The following GSE1 variants were observed in gnomAD, a reference collection of about 807,000 sequenced individuals.
GSE1 encodes the protein Gse1 coiled-coil protein, also known as genetic suppressor element 1.
GSE1 carries 32 observed loss-of-function variants against 112.6 expected under a neutral mutation model. The observed-to-expected ratio is 0.28, with a 90% confidence interval of 0.21 to 0.38. The LOEUF (loss-of-function observed/expected upper bound fraction) is 0.38. Ranked by LOEUF, GSE1 falls within the 10% of genes least tolerant of loss-of-function variation. The pLI, the probability that GSE1 is intolerant of heterozygous loss-of-function variation, is 1.00. For missense variants in GSE1, 2,348 were observed against 1,699.2 expected, an observed-to-expected ratio of 1.38 and a Z score of -6.71; for synonymous variants, 1,115 against 735.6, an observed-to-expected ratio of 1.52 and a Z score of -8.35.
At chr16:85,401,501 A>C (rs1333342587) in intron 2 of GSE1, among the ~76,000 whole-genome samples, 3 of 152,158 alleles carry the variant, frequency 2.0e-5, no homozygotes, top group Non-Finnish European at 4.4e-5. Flanking sequence ...ACCTCCCGCA[A>C]AGTCAGGCAC....
At chr16:85,191,943 C>G (rs1286144893) in intron 1 of GSE1, among the ~76,000 whole-genome samples, 1 of 152,124 alleles carries the variant, frequency 6.6e-6, no homozygotes, top group Non-Finnish European at 1.5e-5. Context: ...TGGGCGTGTG[C>G]AGAGGGGCAG....
At chr16:85,326,955 T>C (rs1339528713) in intron 1 of GSE1, among the ~76,000 whole-genome samples, 1 of 152,220 alleles carries the variant, frequency 6.6e-6, no homozygotes, top group Non-Finnish European at 1.5e-5. Flanking sequence ...CACAGGTCTG[T>C]GATTTGCATA....
intron 2 of GSE1, among the ~76,000 whole-genome samples, chr16:85,422,343 G>C (rs999570052): frequency 6.6e-6 from 1 of 151,804 alleles, no homozygotes; most frequent in Non-Finnish European, 1.5e-5. Flanking sequence ...ACAGTAAGAG[G>C]CTCTGCGGGA....
chr16:85,286,216 C>G (rs568944811), intron 1 of GSE1, among the ~76,000 whole-genome samples: 1 of 152,362 alleles, frequency 6.6e-6, no homozygotes, highest in Admixed American at 6.5e-5. Flanking sequence ...GAGGAGGACA[C>G]AGTGGCCACT....
intron 2 of GSE1, among the ~76,000 whole-genome samples, chr16:85,492,198 G>C (rs536196620): frequency 6.6e-6 from 1 of 152,324 alleles, no homozygotes; most frequent in East Asian, 1.9e-4. Context: ...GGACCTTGAT[G>C]GTGAGCGTGT....
intron 3 of GSE1, among the ~76,000 whole-genome samples, chr16:85,651,981 C>G (rs1271082519): frequency 2.0e-5 from 3 of 152,220 alleles, no homozygotes; most frequent in East Asian, 3.9e-4. Flanking sequence ...GATGTTTGGC[C>G]CTATGCCAGG....
At chr16:85,426,565 G>A (rs2048996837) in intron 2 of GSE1, among the ~76,000 whole-genome samples, 1 of 146,858 alleles carries the variant, frequency 6.8e-6, no homozygotes, top group Non-Finnish European at 1.5e-5. Context: ...GGATGGATGG[G>A]GGGTGAATGA....
intron 15 of GSE1, among the ~76,000 whole-genome samples, chr16:85,671,567 C>G (rs2053342867): frequency 6.6e-6 from 1 of 152,032 alleles, no homozygotes; most frequent in Non-Finnish European, 1.5e-5. Flanking sequence ...TGAGCTCTGA[C>G]CACACCAGTG....
At chr16:85,521,816 G>A (rs1222495684) in intron 2 of GSE1, among the ~76,000 whole-genome samples, 1 of 152,216 alleles carries the variant, frequency 6.6e-6, no homozygotes, top group Non-Finnish European at 1.5e-5. Context: ...CATAAAATCC[G>A]GAGCGCGCTG....
intron 1 of GSE1, among the ~76,000 whole-genome samples, chr16:85,208,678 G>A (rs4783151): frequency 0.64 from 95,840 of 150,524 alleles, 30,575 homozygotes; most frequent in Admixed American, 0.7. Context: ...TTTTTTTTTT[G>A]AATGACTTTT....
chr16:85,337,793 G>A (rs1254843468), intron 1 of GSE1, among the ~76,000 whole-genome samples: 1 of 152,258 alleles, frequency 6.6e-6, no homozygotes, highest in African/African-American at 2.4e-5. Context: ...GCCACACCTG[G>A]CGTCTGAAAT....
chr16:85,470,298 C>T (rs910040776), intron 2 of GSE1, among the ~76,000 whole-genome samples: 18 of 152,330 alleles, frequency 1.2e-4, no homozygotes, highest in African/African-American at 4.3e-4. Context: ...CTTGGAGTGC[C>T]TCTGTGGGGC....
chr16:85,670,204 T>C (rs1007188237), intron 14 of GSE1, among the ~76,000 whole-genome samples: 1 of 152,208 alleles, frequency 6.6e-6, no homozygotes, highest in Non-Finnish European at 1.5e-5. Flanking sequence ...ATCAGAGGAA[T>C]CACAGATGAT....
intron 1 of GSE1, among the ~76,000 whole-genome samples, chr16:85,614,322 C>G (rs1274763722): frequency 6.6e-6 from 1 of 152,132 alleles, no homozygotes; most frequent in African/African-American, 2.4e-5. Flanking sequence ...ACCTCCTCGG[C>G]CGCCCGCCCG....
Position 85,419,625 on chromosome 16 carries a change from C to CA in GSE1, c.2464+61988dup, listed in dbSNP as rs1378369150. 2.0e-4 allele frequency among the ~76,000 whole-genome samples: 31 copies of CA among 151,424 alleles called. No individual in the cohort carries two copies. Among genetic ancestry groups the CA allele is most frequent in the African/African-American group, 7.3e-4 (30 of 41,134 alleles). On this transcript the variant is annotated intron_variant, in intron 2 of 2. Transcript: ENST00000637419. The surrounding 1 kb of genome is among the most constrained non-coding windows in gnomAD (Gnocchi z 6.5). ...TGTCTCAAAAAAAAAAAACAAAAAA[C>CA]AAAAAACAAAAAATAACATTATGCC...
intron 1 of GSE1, among the ~76,000 whole-genome samples, chr16:85,272,567 G>A (rs552153438): frequency 1.5e-4 from 23 of 152,246 alleles, no homozygotes; most frequent in African/African-American, 4.8e-4. Context: ...CCAGGCAGTG[G>A]GAGGGGTGGA....
At chr16:85,553,985 G>A (rs1335551983), upstream of GSE1, among the ~76,000 whole-genome samples, 1 of 152,074 alleles carries the variant, frequency 6.6e-6, no homozygotes, top group African/African-American at 2.4e-5. Flanking sequence ...GTGTGTACCT[G>A]CGGGCTCAGG....
At chr16:85,604,613 G>A (rs768789538) in intron 1 of GSE1, among the ~76,000 whole-genome samples, 2 of 147,986 alleles carry the variant, frequency 1.4e-5, no homozygotes, top group African/African-American at 5.0e-5. Flanking sequence ...TGGTCACATG[G>A]GCTGATTTGA....
intron 15 of GSE1, 184 bp from the exon 16 acceptor site, chr16:85,672,221 C>T (rs2053406067): frequency 1.7e-6 from 1 of 599,316 alleles, no homozygotes; most frequent in Admixed American, 2.5e-5. Context: ...TCTCGAACTC[C>T]TGACGACAGG....
Sources: allele counts gnomAD v4.1 joint callset (sites outside exome capture counted in the v4.1 genomes callset), GRCh38; gene constraint gnomAD v4.1.1; non-coding constraint Gnocchi (gnomAD v3.1); transcripts MANE v1.5; gene names NCBI Gene and HGNC (gene_info 2026-07-23, HGNC 2026-07-21).